KCNT2: variants seen among roughly 807,000 people sequenced by gnomAD.
The protein encoded by KCNT2 is potassium channel subfamily T member 2.
A neutral mutation model predicts 153.8 loss-of-function variants in KCNT2; 67 were observed. The ratio of observed to expected loss-of-function variants is 0.44; its 90% CI spans 0.36 to 0.53. The LOEUF is 0.53. Ranked by LOEUF, KCNT2 falls within the 20% of genes least tolerant of loss-of-function variation. KCNT2 has a pLI of 0.00. For synonymous variants in KCNT2, 500 were observed against 458.8 expected, an observed-to-expected ratio of 1.09 and a Z score of -1.15; for missense variants, 975 against 1,354.8, an observed-to-expected ratio of 0.72 and a Z score of 4.40.
At chr1:196,554,765 A>G (rs1658420528) in intron 1 of KCNT2, among the ~76,000 whole-genome samples, 1 of 151,406 alleles carries the variant, frequency 6.6e-6, no homozygotes, top group South Asian at 2.1e-4. Flanking sequence ...CAAATTCAAT[A>G]TTATATTGAA....
chr1:196,336,735 T>G (rs143408263), intron 16 of KCNT2, among the ~76,000 whole-genome samples: 27 of 152,318 alleles, frequency 1.8e-4, no homozygotes, highest in African/African-American at 5.8e-4. Flanking sequence ...CAATTGACAC[T>G]TCTCAGTCCT....
At chr1:196,567,312 G>A (rs536743149) in intron 1 of KCNT2, among the ~76,000 whole-genome samples, 2 of 152,094 alleles carry the variant, frequency 1.3e-5, no homozygotes, top group African/African-American at 4.8e-5. Context: ...TCTTCTCAGT[G>A]TAACCTCATC....
intron 19 of KCNT2, among the ~76,000 whole-genome samples, chr1:196,326,092 A>G (rs1663822985): frequency 6.6e-6 from 1 of 152,162 alleles, no homozygotes; most frequent in Non-Finnish European, 1.5e-5. Context: ...TTTTAGAATA[A>G]AATGGCTTTG....
intron 8 of KCNT2, among the ~76,000 whole-genome samples, chr1:196,433,481 T>C (rs1674340345): frequency 6.6e-6 from 1 of 151,982 alleles, no homozygotes; most frequent in Non-Finnish European, 1.5e-5. Context: ...GTGGTGAAAA[T>C]GTTCTGAAAC....
chr1:196,560,881 G>T (rs183809255), intron 1 of KCNT2, among the ~76,000 whole-genome samples: 1 of 151,928 alleles, frequency 6.6e-6, no homozygotes, highest in African/African-American at 2.4e-5. Flanking sequence ...TTCCATCTTT[G>T]TAGTACCTTA....
intron 26 of KCNT2, among the ~76,000 whole-genome samples, chr1:196,239,390 T>G (rs1290544944): frequency 1.3e-5 from 2 of 151,780 alleles, no homozygotes; most frequent in African/African-American, 4.8e-5. Context: ...GGAGAAAAAT[T>G]TAAAGATTGC....
At chr1:196,384,785 A>G (rs750560258) in intron 13 of KCNT2, among the ~76,000 whole-genome samples, 5 of 151,998 alleles carry the variant, frequency 3.3e-5, no homozygotes, top group Non-Finnish European at 5.9e-5. Context: ...TAAAAAAATA[A>G]ATAAATACAA....
At chr1:196,406,577 A>C (rs1671848416) in intron 12 of KCNT2, among the ~76,000 whole-genome samples, 1 of 144,044 alleles carries the variant, frequency 6.9e-6, no homozygotes, top group East Asian at 2.1e-4. Flanking sequence ...CTTCATGAAC[A>C]ATCTACATCA....
intron 13 of KCNT2, among the ~76,000 whole-genome samples, chr1:196,390,753 A>ATGTATTTGT (rs1670411736): frequency 6.6e-6 from 1 of 151,326 alleles, no homozygotes. Context: ...ATGCATACAC[A>ATGTATTTGT]TGTATTTGTG....
At chr1:196,595,451 A>G (rs1480419558) in intron 1 of KCNT2, among the ~76,000 whole-genome samples, 1 of 152,088 alleles carries the variant, frequency 6.6e-6, no homozygotes, top group South Asian at 2.1e-4. Flanking sequence ...ATGTGCATAT[A>G]AACAGTCATC....
chr1:196,607,479 T>C (rs1390569898), intron 1 of KCNT2, among the ~76,000 whole-genome samples: 3 of 152,216 alleles, frequency 2.0e-5, no homozygotes, highest in Non-Finnish European at 4.4e-5. Context: ...ACAATAAATA[T>C]TCTAGTTTTG....
intron 22 of KCNT2, among the ~76,000 whole-genome samples, chr1:196,300,063 T>C (rs1661036080): frequency 6.6e-6 from 1 of 152,190 alleles, no homozygotes; most frequent in Non-Finnish European, 1.5e-5. Flanking sequence ...TTAATAAGCA[T>C]AAAAATCTTC....
intron 12 of KCNT2, among the ~76,000 whole-genome samples, chr1:196,421,364 A>G (rs1673186739): frequency 6.6e-6 from 1 of 152,092 alleles, no homozygotes. Flanking sequence ...CTACACAAAG[A>G]TAGTACACAT....
intron 1 of KCNT2, among the ~76,000 whole-genome samples, chr1:196,584,359 C>T (rs1236658738): frequency 1.3e-5 from 2 of 151,886 alleles, no homozygotes; most frequent in African/African-American, 2.4e-5. Context: ...TAACACATTT[C>T]CAAACCTGTG....
At chr1:196,499,000 T>C (rs1000530151) in intron 1 of KCNT2, among the ~76,000 whole-genome samples, 1 of 152,176 alleles carries the variant, frequency 6.6e-6, no homozygotes, top group Admixed American at 6.5e-5. Flanking sequence ...TATACTATAA[T>C]AGGGTGAGCC....
At chr1:196,385,028 A>T (rs945498682) in intron 13 of KCNT2, among the ~76,000 whole-genome samples, 2 of 152,144 alleles carry the variant, frequency 1.3e-5, no homozygotes, top group African/African-American at 4.8e-5. Flanking sequence ...TATAAAAAAG[A>T]TTGAAATTTC....
At chr1:196,329,882 T>C (rs904772372) in intron 18 of KCNT2, among the ~76,000 whole-genome samples, 3 of 130,784 alleles carry the variant, frequency 2.3e-5, no homozygotes, top group African/African-American at 8.9e-5. Context: ...CACTTATATG[T>C]GTGTGTGTGT....
chr1:196,585,180 C>A (rs1662522636), intron 1 of KCNT2, among the ~76,000 whole-genome samples: 2 of 151,910 alleles, frequency 1.3e-5, no homozygotes, highest in South Asian at 4.1e-4. Flanking sequence ...ATAATAAGCG[C>A]AAAAACTGAG....
chr1:196,446,935 GTAGATC>G (rs1675738068), intron 8 of KCNT2, among the ~76,000 whole-genome samples: 2 of 151,496 alleles, frequency 1.3e-5, no homozygotes, highest in Admixed American at 1.3e-4. Context: ...CATTAGAAAT[GTAGATC>G]TATAAAGTTT....
Sources: gnomAD v4.1 joint callset for allele counts (sites outside exome capture counted in the v4.1 genomes callset) on GRCh38, gnomAD v4.1.1 for gene constraint, MANE v1.5 for transcripts, NCBI Gene and HGNC (gene_info 2026-07-23, HGNC 2026-07-21) for gene names.